The following LAMTOR3 variants were observed in gnomAD, a reference collection of about 807,000 sequenced individuals.
The protein encoded by LAMTOR3 is ragulator complex protein LAMTOR3.
In LAMTOR3, 14 loss-of-function variants were observed where a neutral mutation model predicts 20.3. The observed-to-expected ratio is 0.69, with a 90% CI of 0.46 to 1.08. LAMTOR3 has a LOEUF of 1.08. Ranked by LOEUF, LAMTOR3 falls within the 50% of genes least tolerant of loss-of-function variation. The pLI is 0.00. For synonymous variants in LAMTOR3, 40 were observed against 49.4 expected (o/e 0.81, Z 0.80); for missense variants, 125 against 143.7 (o/e 0.87, Z 0.67).
chr4:99,881,725 T>G lies in LAMTOR3; in HGVS notation c.*269A>C. On this transcript the variant is annotated 3_prime_UTR_variant, in exon 7 of 7. Transcript: ENST00000499666. ...AATAGAATCTCTCATCCATATCTGG[T>G]GACCAGACTAACTCCATGGGAGCTG... 2.7e-6 allele frequency: 1 copy of G among 369,608 alleles called. No homozygotes were observed. The highest frequency in any genetic ancestry group is 5.6e-5 in the East Asian group (1 of 18,014). The allele number at this position is 369,608 out of a possible 1,614,324, so 22.9% of individuals were successfully genotyped here. A position where few individuals can be genotyped will look rare whatever the true frequency, so the allele number is the denominator to read the frequency against.
intron 5 of LAMTOR3, among the ~76,000 whole-genome samples, chr4:99,884,722 T>C (rs1020824272): frequency 6.6e-6 from 1 of 152,326 alleles, no homozygotes; most frequent in South Asian, 2.1e-4. Flanking sequence ...CCCAGCACTC[T>C]GGGAGGCTGA....
At chr4:99,891,826 T>C (rs952142775) in intron 3 of LAMTOR3, among the ~76,000 whole-genome samples, 174 bp downstream of exon 3, 2 of 152,070 alleles carry the variant, frequency 1.3e-5, no homozygotes, top group Non-Finnish European at 1.5e-5. Flanking sequence ...TTGACATAAA[T>C]GAGGAAAGCG....
At chr4:99,883,841 G>A (rs1468670184) in intron 6 of LAMTOR3, among the ~76,000 whole-genome samples, 2 of 148,642 alleles carry the variant, frequency 1.3e-5, no homozygotes, top group Non-Finnish European at 3.0e-5. Context: ...AAATAACATT[G>A]TAAGATGGAG....
chr4:99,881,932 T>C lies in LAMTOR3; in HGVS notation c.*62A>G, dbSNP rs1330483945. The C allele has an allele frequency of 5.3e-6, 6 of 1,140,016 alleles. No homozygotes were observed. Among genetic ancestry groups the C allele is most frequent in the South Asian group, 2.6e-5 (2 of 77,604 alleles). The allele number at this position is 1,140,016 out of a possible 1,614,324, so 70.6% of individuals were successfully genotyped here. ...TAAAAGTATTATTGTAGTCTAAAGA[T>C]TGCTGGATTGATATTGTGTTGTTAT... On this transcript the variant is annotated 3_prime_UTR_variant, in exon 7 of 7. Transcript: ENST00000499666.
Sources: allele counts gnomAD v4.1 joint callset (sites outside exome capture counted in the v4.1 genomes callset), GRCh38; gene constraint gnomAD v4.1.1; transcripts MANE v1.5; gene names NCBI Gene and HGNC (gene_info 2026-07-23, HGNC 2026-07-21).